Variants in ARHGAP6 observed in about 807,000 individuals in gnomAD.
The protein encoded by ARHGAP6 is Rho GTPase activating protein 6.
In ARHGAP6, 16 loss-of-function variants were observed where a neutral mutation model predicts 55.7. The observed-to-expected ratio is 0.29, with a 90% CI of 0.19 to 0.44. The LOEUF (loss-of-function observed/expected upper bound fraction) is 0.44. ARHGAP6 is among the 20% of genes least tolerant of loss of function. ARHGAP6 has a pLI of 1.00. For synonymous variants in ARHGAP6, 382 were observed against 360.9 expected (o/e 1.06, Z -0.66); for missense variants, 698 against 808.9 (o/e 0.86, Z 1.66).
intron 2 of ARHGAP6, among the ~76,000 whole-genome samples, chrX:11,222,942 C>T (rs1325514458): frequency 8.9e-6 from 1 of 111,798 alleles, no homozygotes; most frequent in East Asian, 2.8e-4. Context: ...AAGTGATTTG[C>T]TGTTATACCA....
In ARHGAP6 at chrX:11,195,959, C is replaced by CAAAAA. The variant is rs1024986729; in HGVS notation, c.820+961_820+965dup. On this transcript the variant is annotated intron_variant, in intron 3 of 12. Transcript: ENST00000337414. ...TGAAACCCTGTCTCTACTAAAAATACAAAAAAAAAAAAAAAAAAAAAAAAA... is the reference window on the plus strand; with the variant it reads ...TGAAACCCTGTCTCTACTAAAAATACAAAAAAAAAAAAAAAAAAAAAAAAAAAAAA... Among the ~76,000 whole-genome samples the CAAAAA allele has an allele frequency of 5.9e-4, 5 of 8,414 alleles. 1 individual carries two copies. The highest frequency in any genetic ancestry group is 7.5e-4 in the Non-Finnish European group (3 of 3,975). 7.3% of individuals were successfully genotyped at this position (8,414 alleles called of 115,157 possible).
At chrX:11,331,612 G>A (rs1399635757) in intron 1 of ARHGAP6, among the ~76,000 whole-genome samples, 1 of 111,853 alleles carries the variant, frequency 8.9e-6, no homozygotes, top group Non-Finnish European at 1.9e-5. Flanking sequence ...CACTAAATGA[G>A]TAAAACCATG....
At chrX:11,660,973 A>G (rs907530106) in intron 1 of ARHGAP6, among the ~76,000 whole-genome samples, 1 of 111,464 alleles carries the variant, frequency 9.0e-6, no homozygotes, top group Non-Finnish European at 1.9e-5. Context: ...CTGTCCCCTC[A>G]TTAGACTATG....
chrX:11,423,629 T>G (rs1387231191), intron 1 of ARHGAP6, among the ~76,000 whole-genome samples: 1 of 112,489 alleles, frequency 8.9e-6, no homozygotes, highest in East Asian at 2.8e-4. Context: ...TCTCAACTAC[T>G]AGATTCATGA....
At chrX:11,205,877 T>G (rs189142319) in intron 2 of ARHGAP6, among the ~76,000 whole-genome samples, 1 of 112,199 alleles carries the variant, frequency 8.9e-6, no homozygotes, top group Non-Finnish European at 1.9e-5. Flanking sequence ...ACTTTTTGAG[T>G]TTAGAAAAGA....
At chrX:11,613,323 A>G (rs1203460287) in intron 1 of ARHGAP6, among the ~76,000 whole-genome samples, 2 of 112,629 alleles carry the variant, frequency 1.8e-5, no homozygotes, top group African/African-American at 6.5e-5. Context: ...GCCACCATGG[A>G]AATTGAGAAT....
At chrX:11,447,486 T>C (rs1368626436) in intron 1 of ARHGAP6, among the ~76,000 whole-genome samples, 2 of 112,239 alleles carry the variant, frequency 1.8e-5, no homozygotes, top group African/African-American at 6.5e-5. Context: ...TAAAGTTTTA[T>C]TGGAACACAG....
intron 1 of ARHGAP6, among the ~76,000 whole-genome samples, chrX:11,492,001 A>C (rs1236701580): frequency 9.2e-6 from 1 of 109,023 alleles, no homozygotes; most frequent in African/African-American, 3.4e-5. Context: ...TTTTGGCTGC[A>C]TTAATGTCTT....
chrX:11,657,125 T>A (rs147067410), intron 1 of ARHGAP6, among the ~76,000 whole-genome samples: 2 of 111,195 alleles, frequency 1.8e-5, no homozygotes, highest in Non-Finnish European at 3.8e-5. Flanking sequence ...GTAAAAGGCA[T>A]TGAAATGACT....
chrX:11,520,690 C>A (rs2050913831), intron 1 of ARHGAP6, among the ~76,000 whole-genome samples: 1 of 111,332 alleles, frequency 9.0e-6, no homozygotes, highest in Admixed American at 9.6e-5. Context: ...AATGCAATGG[C>A]TGGGTTAAAT....
intron 1 of ARHGAP6, among the ~76,000 whole-genome samples, chrX:11,630,866 T>C (rs981203519): frequency 8.9e-6 from 1 of 112,278 alleles, no homozygotes; most frequent in African/African-American, 3.2e-5. Flanking sequence ...AATGTTAATA[T>C]GAATAGCATC....
chrX:11,424,587 C>T (rs985363966), intron 1 of ARHGAP6, among the ~76,000 whole-genome samples: 8 of 111,729 alleles, frequency 7.2e-5, no homozygotes, highest in Non-Finnish European at 1.5e-4. Context: ...TCCTACCCAG[C>T]TGCCACCCTA....
At chrX:11,380,576 G>A (rs946140757) in intron 1 of ARHGAP6, among the ~76,000 whole-genome samples, 3 of 112,019 alleles carry the variant, frequency 2.7e-5, no homozygotes, top group East Asian at 2.8e-4. Flanking sequence ...AGAAACACAC[G>A]TTCCTGAGCT....
chrX:11,477,455 T>C (rs1049447332), intron 1 of ARHGAP6, among the ~76,000 whole-genome samples: 3 of 111,839 alleles, frequency 2.7e-5, no homozygotes, highest in Non-Finnish European at 5.7e-5. Context: ...TAATTTCTTA[T>C]AAAGTTAAAC....
intron 5 of ARHGAP6, among the ~76,000 whole-genome samples, chrX:11,185,137 CATGACTGTGTGTGTGTGT>C (rs2046369369): frequency 1.0e-5 from 1 of 95,749 alleles, no homozygotes; most frequent in Non-Finnish European, 2.1e-5. Flanking sequence ...TTATGTGGTG[CATGACTGTGTGTGTGTGT>C]GTGTGTGTGT....
At chrX:11,339,140 G>T (rs921143748) in intron 1 of ARHGAP6, among the ~76,000 whole-genome samples, 1 of 112,127 alleles carries the variant, frequency 8.9e-6, no homozygotes, top group African/African-American at 3.2e-5. Context: ...AGAATCTCAG[G>T]CACACTCCAG....
chrX:11,586,826 T>C, intron 1 of ARHGAP6, among the ~76,000 whole-genome samples: 1 of 112,225 alleles, frequency 8.9e-6, no homozygotes, highest in East Asian at 2.8e-4. Context: ...TTACATTTGT[T>C]TGTATCATCT....
At chrX:11,454,775 C>T (rs1173530940) in intron 1 of ARHGAP6, among the ~76,000 whole-genome samples, 1 of 112,163 alleles carries the variant, frequency 8.9e-6, no homozygotes, top group Non-Finnish European at 1.9e-5. Context: ...GTGCACTGGG[C>T]ATTTTAGATA....
At chrX:11,169,735 A>C (rs1177334124) in intron 8 of ARHGAP6, 51 bp from the exon 9 acceptor site, 13 of 944,901 alleles carry the variant, frequency 1.4e-5, no homozygotes, top group Non-Finnish European at 1.8e-5. Flanking sequence ...CTTTCAAGAT[A>C]CTGGGTGATT....
Sources: gnomAD v4.1 joint callset for allele counts (sites outside exome capture counted in the v4.1 genomes callset) on GRCh38, gnomAD v4.1.1 for gene constraint, MANE v1.5 for transcripts, NCBI Gene and HGNC (gene_info 2026-07-23, HGNC 2026-07-21) for gene names.